Variants in CNTNAP3B observed in about 807,000 individuals in gnomAD.
CNTNAP3B encodes the protein contactin associated protein family member 3B, also known as contactin-associated protein-like 3B.
CNTNAP3B carries 25 observed loss-of-function variants against 108.9 expected under a neutral mutation model. That is an observed-to-expected ratio of 0.23 (90% CI 0.17 to 0.32). The LOEUF (loss-of-function observed/expected upper bound fraction) is 0.32, where lower values mean the gene tolerates loss of function less well. Among genes scored for constraint, CNTNAP3B ranks in the 10% least tolerant of loss-of-function variants. CNTNAP3B has a pLI of 1.00. For synonymous variants in CNTNAP3B, 103 were observed against 473.4 expected (o/e 0.22, Z 10.16); for missense variants, 252 against 1,210.4 (o/e 0.21, Z 11.75).
rs1378940781 is a variant in CNTNAP3B at position 41,979,704 on chromosome 9, C to A, written c.1477+6464G>T. The A allele has an allele frequency of 2.5e-5, 2 of 80,240 alleles. 1 individual carries two copies. Among genetic ancestry groups the A allele is most frequent in the Admixed American group, 3.5e-4 (2 of 5,688 alleles). The allele number at this position is 80,240 out of a possible 1,614,324, so 5.0% of individuals were successfully genotyped here. A position where few individuals can be genotyped will look rare whatever the true frequency, so the allele number is the denominator to read the frequency against. On this transcript the variant is annotated intron_variant, in intron 9 of 23. Transcript: ENST00000377561. The stretch of plus-strand genomic sequence containing the variant: ...AAGTGATTATCCTGCCTCAGCCTCC[C>A]AAGTAGCTGGGATTACAGGCACCTG...
At chr9:42,056,326 T>TTTATTATTATTATTA (rs199830117) in intron 3 of CNTNAP3B, among the ~76,000 whole-genome samples, 8 of 129,126 alleles carry the variant, frequency 6.2e-5, no homozygotes, top group African/African-American at 2.1e-4. Flanking sequence ...TCTCATGAAT[T>TTTATTATTATTATTA]TTATTATTAT....
intron 13 of CNTNAP3B, 147 bp downstream of exon 13, chr9:41,953,036 A>T (rs2118149081): frequency 2.7e-6 from 3 of 1,094,070 alleles, no homozygotes; most frequent in Non-Finnish European, 3.7e-6. Context: ...TCCAACCAAG[A>T]GCGGGAAGAG....
intron 15 of CNTNAP3B, chr9:41,926,668 G>A (rs1475236512): frequency 1.3e-5 from 2 of 152,566 alleles, no homozygotes; most frequent in East Asian, 3.9e-4. Context: ...TCTTGTCCGG[G>A]CTTGTGTTGA....
At chr9:42,019,458 A>G (rs1484261058) in intron 3 of CNTNAP3B, among the ~76,000 whole-genome samples, 1 of 80,836 alleles carries the variant, frequency 1.2e-5, no homozygotes, top group Non-Finnish European at 2.4e-5. Flanking sequence ...AGCACGCTAC[A>G]AAGTACTACG....
At chr9:41,924,340 G>T (rs1235799839) in intron 15 of CNTNAP3B, among the ~76,000 whole-genome samples, 1 of 152,308 alleles carries the variant, frequency 6.6e-6, no homozygotes, top group Admixed American at 6.5e-5. Flanking sequence ...AATGAGACCA[G>T]TCAGGGGATC....
At chr9:41,962,903 T>C (rs1476384914) in intron 11 of CNTNAP3B, among the ~76,000 whole-genome samples, 3 of 151,688 alleles carry the variant, frequency 2.0e-5, no homozygotes, top group African/African-American at 7.3e-5. Context: ...TGCAGTGAGC[T>C]GAGATCATGA....
intron 10 of CNTNAP3B, among the ~76,000 whole-genome samples, chr9:41,967,653 A>C (rs1300534723): frequency 6.6e-6 from 1 of 152,292 alleles, no homozygotes; most frequent in Non-Finnish European, 1.5e-5. Context: ...CTTTATGTAA[A>C]GGGAACAGCA....
chr9:42,059,962 T>C (rs553401155), intron 3 of CNTNAP3B, among the ~76,000 whole-genome samples: 58 of 150,438 alleles, frequency 3.9e-4, no homozygotes, highest in African/African-American at 1.4e-3. Flanking sequence ...GATCATGTCA[T>C]CTGCAAAGAG....
chr9:42,127,302 G>A (rs1344987705), intron 1 of CNTNAP3B, among the ~76,000 whole-genome samples: 29 of 138,696 alleles, frequency 2.1e-4, no homozygotes, highest in Non-Finnish European at 1.5e-5. Context: ...TAAATGAGAA[G>A]AGCTTAATTT....
chr9:41,938,136 CT>C (rs1824213098), intron 14 of CNTNAP3B, 107 bp downstream of exon 14: 1 of 862,124 alleles, frequency 1.2e-6, no homozygotes, highest in African/African-American at 1.7e-5. Context: ...CTTGAACATA[CT>C]TTAATCTAGT....
chr9:42,059,946 A>C (rs1354395206), intron 3 of CNTNAP3B, among the ~76,000 whole-genome samples: 2 of 149,504 alleles, frequency 1.3e-5, no homozygotes, highest in Non-Finnish European at 3.0e-5. Flanking sequence ...GGCTTTCTAT[A>C]TATAAGATCA....
Position 42,119,955 on chromosome 9 carries a change from A to T in CNTNAP3B, c.85+9055T>A, listed in dbSNP as rs1212002601. On this transcript the variant is annotated intron_variant, in intron 1 of 23. Coordinates refer to ENST00000377561, the MANE Select transcript of CNTNAP3B (RefSeq NM_001201380.3). ...CTAAAACACCAAAAGCAATGGCAAC[A>T]AAAGCCAAAATTGACAAATGGGATC... Among the ~76,000 whole-genome samples, 58 of 141,388 alleles carry T rather than the reference A, an allele frequency of 4.1e-4. 6 individuals are homozygous for T. Among genetic ancestry groups the T allele is most frequent in the East Asian group, 1.9e-3 (9 of 4,656 alleles). The allele number at this position is 141,388 out of a possible 152,430, so 92.8% of individuals were successfully genotyped here.
intron 14 of CNTNAP3B, among the ~76,000 whole-genome samples, chr9:41,935,887 G>C (rs1824141685): frequency 6.6e-6 from 1 of 152,294 alleles, no homozygotes. Flanking sequence ...GAAGTGACAT[G>C]GCTAAGGGTA....
At chr9:42,106,875 T>C (rs1382648110) in intron 1 of CNTNAP3B, among the ~76,000 whole-genome samples, 1 of 66,026 alleles carries the variant, frequency 1.5e-5, no homozygotes, top group East Asian at 7.5e-4. Context: ...TGATGTTATT[T>C]TCTCTCTATT....
Position 41,964,089 on chromosome 9 carries a change from C to A in CNTNAP3B, c.1756+449G>T, listed in dbSNP as rs1348407812. On this transcript the variant is annotated intron_variant, in intron 11 of 23. Transcript: ENST00000377561. ...GCCATGTACAATCCCATGATTGCATCATCCCAGTGATTGTTAAAAAATCTT... is the reference window on the plus strand; with the variant it reads ...GCCATGTACAATCCCATGATTGCATAATCCCAGTGATTGTTAAAAAATCTT... 2.6e-5 allele frequency among the ~76,000 whole-genome samples: 4 copies of A among 152,416 alleles called. No individual in the cohort carries two copies. The East Asian group carries it at 5.8e-4, about 22-fold the overall frequency.
intron 2 of CNTNAP3B, among the ~76,000 whole-genome samples, chr9:42,097,685 T>C (rs1324445194): frequency 7.3e-6 from 1 of 137,366 alleles, no homozygotes; most frequent in Non-Finnish European, 1.6e-5. Flanking sequence ...TTGTGAAATA[T>C]ATATTGCCTT....
intron 2 of CNTNAP3B, among the ~76,000 whole-genome samples, chr9:42,080,121 G>A (rs1429184576): frequency 5.2e-5 from 7 of 133,824 alleles, no homozygotes; most frequent in South Asian, 2.5e-4. Context: ...GAGTTGACAC[G>A]GTTCTGGTGT....
At chr9:41,941,987 C>G (rs1824360886) in intron 13 of CNTNAP3B, among the ~76,000 whole-genome samples, 1 of 152,294 alleles carries the variant, frequency 6.6e-6, no homozygotes, top group Admixed American at 6.5e-5. Flanking sequence ...TTATGTTCTC[C>G]TTAACAACAT....
chr9:42,086,478 C>T (rs1259650230), intron 2 of CNTNAP3B, among the ~76,000 whole-genome samples: 11 of 138,114 alleles, frequency 8.0e-5, no homozygotes, highest in Admixed American at 2.2e-4. Context: ...GGCGGAGTCT[C>T]GCTCTGTTGC....
Sources: gnomAD v4.1 joint callset for allele counts (sites outside exome capture counted in the v4.1 genomes callset) on GRCh38, gnomAD v4.1.1 for gene constraint, MANE v1.5 for transcripts, NCBI Gene and HGNC (gene_info 2026-07-23, HGNC 2026-07-21) for gene names.